ACAT2: variants seen among roughly 807,000 people sequenced by gnomAD.
ACAT2 encodes the protein acetyl-CoA acetyltransferase 2, also known as acetyl-CoA acetyltransferase, cytosolic.
ACAT2 carries 26 observed loss-of-function variants against 37.1 expected under a neutral mutation model. The observed-to-expected ratio is 0.70, with a 90% CI of 0.51 to 0.97. ACAT2 has a LOEUF of 0.97. ACAT2 is among the 50% of genes least tolerant of loss of function. The pLI is 0.00. For missense variants in ACAT2, 468 were observed against 489.0 expected, an observed-to-expected ratio of 0.96 and a Z score of 0.40; for synonymous variants, 156 against 163.6, an observed-to-expected ratio of 0.95 and a Z score of 0.35.
At chr6:159,765,612 T>TAC (rs1444647033) in intron 2 of ACAT2, among the ~76,000 whole-genome samples, 1 of 150,946 alleles carries the variant, frequency 6.6e-6, no homozygotes, top group Non-Finnish European at 1.5e-5. Context: ...GTATTTTTAG[T>TAC]AGAGAGGGGG....
At chr6:159,777,731 G>A (rs544984461) in intron 7 of ACAT2, among the ~76,000 whole-genome samples, 19 of 118,608 alleles carry the variant, frequency 1.6e-4, no homozygotes, top group African/African-American at 4.3e-4. Context: ...TCTTCATTTC[G>A]TAGAGACAAG....
At chr6:159,763,837 C>T (rs1468350834) in intron 2 of ACAT2, among the ~76,000 whole-genome samples, 2 of 151,292 alleles carry the variant, frequency 1.3e-5, no homozygotes, top group Non-Finnish European at 2.9e-5. Flanking sequence ...CCCGGTGGCT[C>T]ACGCCTGTAA....
At chr6:159,763,321 G>A (rs935956349) in intron 2 of ACAT2, among the ~76,000 whole-genome samples, 4 of 152,138 alleles carry the variant, frequency 2.6e-5, no homozygotes, top group Non-Finnish European at 5.9e-5. Flanking sequence ...GGGAGGCGGA[G>A]GAGGAAGGAT....
intron 1 of ACAT2, 83 bp from the exon 2 acceptor site, chr6:159,762,836 G>A: frequency 3.8e-6 from 6 of 1,597,480 alleles, no homozygotes; most frequent in Non-Finnish European, 5.1e-6. Context: ...GCCAAACAGG[G>A]TCATGAGGCT....
chr6:159,778,375 GTTAAA>G, intron 8 of ACAT2, 95 bp downstream of exon 8: 1 of 587,770 alleles, frequency 1.7e-6, no homozygotes, highest in Non-Finnish European at 2.6e-6. Flanking sequence ...GTGGGTAATA[GTTAAA>G]GAAATACTAG....
At chr6:159,763,936 C>A (rs374747889) in intron 2 of ACAT2, among the ~76,000 whole-genome samples, 6 of 151,868 alleles carry the variant, frequency 4.0e-5, no homozygotes, top group South Asian at 2.1e-4. Flanking sequence ...CCCGTTTCTA[C>A]TAAAAATACA....
chr6:159,767,398 T>C (rs1290646529), intron 3 of ACAT2, among the ~76,000 whole-genome samples: 1 of 152,252 alleles, frequency 6.6e-6, no homozygotes, highest in South Asian at 2.1e-4. Context: ...ACCAGTGTGA[T>C]TGGAACCGAA....
chr6:159,765,468 G>A (rs1055248224), intron 2 of ACAT2, among the ~76,000 whole-genome samples: 3 of 150,812 alleles, frequency 2.0e-5, no homozygotes, highest in East Asian at 2.0e-4. Flanking sequence ...TCACTCTGTC[G>A]CCCAGGCTGG....
Position 159,767,007 on chromosome 6 carries a change from T to G in ACAT2, c.193T>G (p.Cys65Gly). The G allele has an allele frequency of 1.2e-6, 2 of 1,614,022 alleles. No homozygotes were observed. Among genetic ancestry groups the G allele is most frequent in the Admixed American group, 3.3e-5 (2 of 60,022 alleles). The part of the protein sequence containing the change: ...VIFGHVLAAG[C>G]GQNPVRQASV... ...GTCCTCTGTGTTCCTCTTTCTAGGC[T>G]GTGGGCAGAATCCTGTTAGACAAGC... is the stretch of plus-strand genomic sequence containing the variant. The change falls in exon 3 of 9, where the codon TGT becomes GGT. Residue 65 changes from cysteine to glycine, a missense_variant and splice_region_variant. Coordinates refer to ENST00000367048, the MANE Select transcript of ACAT2 (RefSeq NM_005891.3).
chr6:159,773,134 G>A (rs1780364072), intron 4 of ACAT2, among the ~76,000 whole-genome samples: 1 of 152,152 alleles, frequency 6.6e-6, no homozygotes, highest in African/African-American at 2.4e-5. Context: ...GATTACAGGT[G>A]TGACCCACCA....
rs771382288 is a variant in ACAT2 at position 159,775,220 on chromosome 6, G to A, written c.541G>A (p.Val181Ile). 1.9e-6 allele frequency: 3 copies of A among 1,614,176 alleles called. No homozygotes were observed. The highest frequency in any genetic ancestry group is 1.7e-5 in the Admixed American group (1 of 60,024). Residue 181 changes from valine (V) to isoleucine (I), a missense_variant, in exon 5 of 9, where the codon GTT becomes ATT. Transcript: ENST00000367048. ...WQVSREDQDK[V>I]AVLSQNRTEN... Reference sequence around the variant, plus strand: ...AGTGAGTAGAGAAGATCAGGACAAGGTTGCAGTTCTGTCCCAGAACAGGAC... The same window carrying A: ...AGTGAGTAGAGAAGATCAGGACAAGATTGCAGTTCTGTCCCAGAACAGGAC...
Position 159,777,456 on chromosome 6 carries a change from T to C in ACAT2, c.912T>C (p.Ala304=). 6.2e-7 allele frequency: 1 copy of C among 1,612,664 alleles called. No homozygotes were observed. Among genetic ancestry groups the C allele is most frequent in the East Asian group, 2.2e-5 (1 of 44,880 alleles). The change falls in exon 7 of 9, where the codon GCT becomes GCC. Residue 304 remains alanine (A), a splice_region_variant and synonymous_variant. Transcript: ENST00000367048. ...GACCAATTCCAGCCATAAAGCAAGC[T>C]GTGAGTATAACCCTATTCCCTTTTA... ...GIGPIPAIKQ[A]VTKAGWSLED... is the part of the protein sequence containing the mutation.
chr6:159,765,069 G>T (rs970693739), intron 2 of ACAT2, among the ~76,000 whole-genome samples: 3 of 152,144 alleles, frequency 2.0e-5, no homozygotes, highest in Admixed American at 2.0e-4. Flanking sequence ...CATGAAGCTC[G>T]TAGTATGCTA....
chr6:159,775,807 G>A (rs1162224756), intron 5 of ACAT2: 1 of 235,540 alleles, frequency 4.2e-6, no homozygotes, highest in East Asian at 1.2e-4. Flanking sequence ...AGCAGTGCAC[G>A]ATTGGCTTTG....
chr6:159,776,104 TTC>T (rs778890534), intron 5 of ACAT2, 44 bp from the exon 6 acceptor site: 439 of 1,598,712 alleles, frequency 2.7e-4, no homozygotes, highest in Non-Finnish European at 3.4e-4. Flanking sequence ...GCACACTTAC[TTC>T]TGTCTCTGGA....
chr6:159,762,572 T>C (rs1175188035), intron 1 of ACAT2: 1 of 1,344,316 alleles, frequency 7.4e-7, no homozygotes, highest in Non-Finnish European at 9.7e-7. Context: ...AAGTCGTGAC[T>C]TCGTCTCCTT....
intron 4 of ACAT2, among the ~76,000 whole-genome samples, chr6:159,769,049 C>T (rs1341291543): frequency 6.6e-6 from 1 of 152,186 alleles, no homozygotes; most frequent in Non-Finnish European, 1.5e-5. Flanking sequence ...ATCAAAAGCA[C>T]TCTTGTCTTT....
chr6:159,768,691 C>A, intron 4 of ACAT2, 63 bp downstream of exon 4: 2 of 1,200,568 alleles, frequency 1.7e-6, no homozygotes, highest in East Asian at 2.4e-5. Flanking sequence ...ATATACTAAT[C>A]TGCTTCTTAG....
At chr6:159,762,165 G>A in intron 1 of ACAT2, 23 bp downstream of exon 1, 1 of 1,605,038 alleles carries the variant, frequency 6.2e-7, no homozygotes, top group Non-Finnish European at 8.5e-7. Context: ...CGGGAGCCGC[G>A]CAGAGTCCGA....
Sources: gnomAD v4.1 joint callset for allele counts (sites outside exome capture counted in the v4.1 genomes callset) on GRCh38, gnomAD v4.1.1 for gene constraint, MANE v1.5 for transcripts, NCBI Gene and HGNC (gene_info 2026-07-23, HGNC 2026-07-21) for gene names.